The following NTN1 variants were observed in gnomAD, a reference collection of about 807,000 sequenced individuals.
NTN1 encodes the protein netrin-1.
Under a neutral mutation model 54.2 loss-of-function variants are expected in NTN1, and 11 were observed. The observed-to-expected ratio is 0.20, with a 90% CI of 0.13 to 0.34. NTN1 has a LOEUF of 0.34. Ranked by LOEUF, NTN1 falls within the 10% of genes least tolerant of loss-of-function variation. The pLI is 1.00. For synonymous variants in NTN1, 371 were observed against 382.0 expected (o/e 0.97, Z 0.33); for missense variants, 740 against 893.1 (o/e 0.83, Z 2.18).
chr17:9,063,749 C>T lies in NTN1; in HGVS notation c.1018+40358C>T, dbSNP rs531144022. Among the ~76,000 whole-genome samples the T allele has an allele frequency of 6.5e-3, 981 of 151,924 alleles. 9 individuals are homozygous for T. Among genetic ancestry groups the T allele is most frequent in the South Asian group, 0.014 (68 of 4,798 alleles). Reference sequence around the variant, plus strand: ...ATTTTTAGTAGAGATGGGGTTTCACCGTGTTAGCCAGGATGGTCTCGATCT... The same window carrying T: ...ATTTTTAGTAGAGATGGGGTTTCACTGTGTTAGCCAGGATGGTCTCGATCT... On this transcript the variant is annotated intron_variant, in intron 2 of 6. Coordinates refer to ENST00000173229, the MANE Select transcript of NTN1 (RefSeq NM_004822.3).
intron 2 of NTN1, among the ~76,000 whole-genome samples, chr17:9,042,553 C>G (rs1212213477): frequency 2.5e-4 from 38 of 150,596 alleles, no homozygotes; most frequent in Admixed American, 2.5e-3. Context: ...CTTTGGGAGG[C>G]CGAGGCGGGC....
chr17:9,149,861 G>A (rs185100187), intron 2 of NTN1, among the ~76,000 whole-genome samples: 3 of 152,224 alleles, frequency 2.0e-5, no homozygotes, highest in Admixed American at 2.0e-4. Flanking sequence ...TGAGGTAGGA[G>A]TTCGAGACCA....
Position 9,226,410 on chromosome 17 carries a change from C to CCGTGGGGAGGCGGTCT in NTN1, c.1486+5196_1486+5211dup, listed in dbSNP as rs1246812576. On this transcript the variant is annotated intron_variant, in intron 6 of 6. Transcript: ENST00000173229. ...AGGCACCGTGTCTAAGGGGTGGGGG[C>CCGTGGGGAGGCGGTCT]CGTGGGGAGGCGGTCTCGTGGGGAG... is the stretch of plus-strand genomic sequence containing the variant. 1.7e-4 allele frequency among the ~76,000 whole-genome samples: 25 copies of CCGTGGGGAGGCGGTCT among 146,870 alleles called. 1 individual carries two copies. Among genetic ancestry groups the CCGTGGGGAGGCGGTCT allele is most frequent in the Admixed American group, 4.1e-4 (6 of 14,732 alleles).
At chr17:9,053,292 C>T (rs2091966817) in intron 2 of NTN1, among the ~76,000 whole-genome samples, 1 of 152,180 alleles carries the variant, frequency 6.6e-6, no homozygotes, top group Non-Finnish European at 1.5e-5. Flanking sequence ...TTCCCCTAGA[C>T]CCGCTCTCTT....
chr17:9,059,949 G>A (rs2091991168), intron 2 of NTN1, among the ~76,000 whole-genome samples: 1 of 152,068 alleles, frequency 6.6e-6, no homozygotes, highest in African/African-American at 2.4e-5. Context: ...AGGGAGGGGA[G>A]GGTCACAGTG....
chr17:9,213,195 A>T (rs1905149331), intron 5 of NTN1, among the ~76,000 whole-genome samples: 1 of 152,212 alleles, frequency 6.6e-6, no homozygotes, highest in Admixed American at 6.5e-5. Flanking sequence ...AGCCAGGCAG[A>T]TGGTGGCCTC....
At chr17:9,226,819 C>T (rs1905580112) in intron 6 of NTN1, among the ~76,000 whole-genome samples, 1 of 152,124 alleles carries the variant, frequency 6.6e-6, no homozygotes, top group African/African-American at 2.4e-5. Flanking sequence ...ACACAGTTGG[C>T]ATCCTGTGGG....
rs542116388 is a variant in NTN1, at chr17:9,162,572, G to A, written c.1019-241G>A. On this transcript the variant is annotated intron_variant, in intron 2 of 6. Coordinates refer to ENST00000173229, the MANE Select transcript of NTN1 (RefSeq NM_004822.3). ...TATGGTCACATTCTGAGGTACTGGG[G>A]GTCACGGCTTCAACATAAGAATTTT... is the stretch of plus-strand genomic sequence containing the variant. Among the ~76,000 whole-genome samples, 376 of 152,304 alleles carry A rather than the reference G, an allele frequency of 2.5e-3. 2 individuals are homozygous for A. The highest frequency in any genetic ancestry group is 4.0e-3 in the Non-Finnish European group (273 of 68,022).
chr17:9,031,340 T>C (rs1040078367), intron 2 of NTN1, among the ~76,000 whole-genome samples: 1 of 152,176 alleles, frequency 6.6e-6, no homozygotes, highest in African/African-American at 2.4e-5. Context: ...GTTTCTGCTT[T>C]GGGGCGGCCG....
In NTN1 at chr17:9,135,322, C is replaced by G. The variant is rs1479947542; in HGVS notation, c.1019-27491C>G. Among the ~76,000 whole-genome samples, 1 of 152,218 alleles carries G rather than the reference C, an allele frequency of 6.6e-6. No individual in the cohort carries two copies. Among genetic ancestry groups the G allele is most frequent in the East Asian group, 1.9e-4 (1 of 5,186 alleles). ...CAGACCCAACACCTCTTTGCACAGTCCTGAACCTGTGTCTGGCTCTTGCTT... is the reference window on the plus strand; with the variant it reads ...CAGACCCAACACCTCTTTGCACAGTGCTGAACCTGTGTCTGGCTCTTGCTT... On this transcript the variant is annotated intron_variant, in intron 2 of 6. Transcript: ENST00000173229. This position sits in a 1 kb window ranked among gnomAD's most constrained non-coding sequence, Gnocchi z 4.4.
chr17:9,101,744 G>T (rs1202065578), intron 2 of NTN1, among the ~76,000 whole-genome samples: 4 of 152,248 alleles, frequency 2.6e-5, no homozygotes, highest in African/African-American at 9.6e-5. Context: ...GCTCACACCA[G>T]CACTTTGGGA....
At chr17:9,133,932 T>G in intron 2 of NTN1, among the ~76,000 whole-genome samples, 1 of 97,666 alleles carries the variant, frequency 1.0e-5, no homozygotes, top group Non-Finnish European at 1.9e-5. Flanking sequence ...TGAGACAGAG[T>G]CTCACTCTGT....
intron 5 of NTN1, among the ~76,000 whole-genome samples, chr17:9,186,299 C>G (rs191093766): frequency 1.3e-5 from 2 of 152,360 alleles, no homozygotes; most frequent in East Asian, 3.9e-4. Flanking sequence ...CACCTCACCA[C>G]TGCCCATGGG....
intron 2 of NTN1, among the ~76,000 whole-genome samples, chr17:9,034,262 A>G (rs1020509249): frequency 6.6e-6 from 1 of 152,158 alleles, no homozygotes; most frequent in Non-Finnish European, 1.5e-5. Flanking sequence ...GGGTACAGGA[A>G]GGAGACCCAG....
At chr17:9,150,570 CA>C (rs2092324509) in intron 2 of NTN1, among the ~76,000 whole-genome samples, 1 of 152,180 alleles carries the variant, frequency 6.6e-6, no homozygotes, top group African/African-American at 2.4e-5. Flanking sequence ...GATGACTGCT[CA>C]GGGCTTACCA....
chr17:9,199,358 T>A (rs1029531910), intron 5 of NTN1, among the ~76,000 whole-genome samples: 2 of 152,208 alleles, frequency 1.3e-5, no homozygotes, highest in Non-Finnish European at 2.9e-5. Context: ...GCCAGGCTGG[T>A]CTTGAAGTCC....
intron 2 of NTN1, among the ~76,000 whole-genome samples, chr17:9,026,455 C>T (rs2091871267): frequency 6.6e-6 from 1 of 151,922 alleles, no homozygotes; most frequent in Non-Finnish European, 1.5e-5. Context: ...AATGTTACGG[C>T]CTTGACAGCT....
intron 2 of NTN1, among the ~76,000 whole-genome samples, chr17:9,074,423 G>A (rs964358530): frequency 2.0e-5 from 3 of 152,230 alleles, no homozygotes; most frequent in Admixed American, 6.5e-5. Flanking sequence ...CAGAGCCATG[G>A]AGCGGGTGAG....
chr17:9,022,589 GC>G lies in NTN1; in HGVS notation c.221del (p.Pro74ArgfsTer7). 1 of 1,545,496 alleles carries G rather than the reference GC, an allele frequency of 6.5e-7. No individual in the cohort carries two copies. On this transcript the variant is annotated frameshift_variant, in exon 2 of 7. Transcript: ENST00000173229. LOFTEE classifies it high-confidence loss of function. ...DVRVSSTCGR[P>X]PARYCVVSER... ...TGCGCGTGTCCAGCACCTGCGGCCG[GC>G]CCCCGGCGCGCTACTGCGTGGTGAG...
Sources: gnomAD v4.1 joint callset for allele counts (sites outside exome capture counted in the v4.1 genomes callset) on GRCh38, gnomAD v4.1.1 for gene constraint, Gnocchi (gnomAD v3.1) non-coding constraint, MANE v1.5 for transcripts, NCBI Gene and HGNC (gene_info 2026-07-23, HGNC 2026-07-21) for gene names.